NTM: variants seen among roughly 807,000 people sequenced by gnomAD.
The protein encoded by NTM is IgLON family member 2.
In NTM, 13 loss-of-function variants were observed where a neutral mutation model predicts 42.1. The ratio of observed to expected loss-of-function variants is 0.31; its 90% CI spans 0.20 to 0.49. The LOEUF is 0.49. Ranked by LOEUF, NTM falls within the 20% of genes least tolerant of loss-of-function variation. NTM has a pLI of 0.99. For missense variants in NTM, 373 were observed against 452.8 expected, an observed-to-expected ratio of 0.82 and a Z score of 1.60; for synonymous variants, 187 against 179.2, an observed-to-expected ratio of 1.04 and a Z score of -0.35.
In NTM at chr11:132,185,317, T is replaced by C. The variant is rs546839356; in HGVS notation, c.401-26705T>C. Among the ~76,000 whole-genome samples the C allele has an allele frequency of 2.0e-5, 3 of 152,330 alleles. No individual in the cohort carries two copies. In the South Asian group the frequency reaches 6.2e-4, roughly 32 times the overall value. ...TTTATGCACACATTTTCTTGAGATA[T>C]CAAGGCTTTTATGTTCCCCATAATG... On this transcript the variant is annotated intron_variant, in intron 3 of 8. Transcript: ENST00000683400.
intron 3 of NTM, among the ~76,000 whole-genome samples, chr11:132,173,659 C>A (rs1566375887): frequency 6.6e-6 from 1 of 152,232 alleles, no homozygotes; most frequent in Non-Finnish European, 1.5e-5. Flanking sequence ...TTATGAAAAC[C>A]AGCTTGTGGA....
At chr11:131,658,604 G>C (rs945958133) in intron 1 of NTM, among the ~76,000 whole-genome samples, 2 of 152,214 alleles carry the variant, frequency 1.3e-5, no homozygotes, top group African/African-American at 4.8e-5. Context: ...CCGACTTAGA[G>C]GTTCCTGGTC....
At chr11:131,927,723 C>T (rs1406349665) in intron 2 of NTM, among the ~76,000 whole-genome samples, 1 of 152,126 alleles carries the variant, frequency 6.6e-6, no homozygotes. Flanking sequence ...ACACTTGATA[C>T]CCAGAGAAGG....
intron 2 of NTM, among the ~76,000 whole-genome samples, chr11:131,988,370 C>T (rs899795606): frequency 1.3e-5 from 2 of 152,180 alleles, no homozygotes; most frequent in Non-Finnish European, 2.9e-5. Context: ...ATTTGCACAA[C>T]GGATATCCAA....
chr11:132,290,285 A>G (rs1296329430), intron 4 of NTM, among the ~76,000 whole-genome samples: 1 of 152,012 alleles, frequency 6.6e-6, no homozygotes, highest in Non-Finnish European at 1.5e-5. Context: ...ATCACTGTAC[A>G]CATGTAATTT....
At chr11:132,314,507 C>A (rs562247995) in intron 6 of NTM, 45 bp from the exon 7 acceptor site, 2 of 1,577,782 alleles carry the variant, frequency 1.3e-6, no homozygotes, top group Non-Finnish European at 1.7e-6. Context: ...TATGAGGACA[C>A]ATAACCATCT....
intron 2 of NTM, among the ~76,000 whole-genome samples, chr11:132,082,174 T>A (rs548084522): frequency 6.6e-6 from 1 of 152,226 alleles, no homozygotes; most frequent in East Asian, 1.9e-4. Context: ...GTCCTGGGAA[T>A]GATGCAGAAT....
intron 2 of NTM, among the ~76,000 whole-genome samples, chr11:131,988,896 G>A (rs1315354972): frequency 6.6e-6 from 1 of 152,130 alleles, no homozygotes. Flanking sequence ...TAAGCCTATA[G>A]TAGTGAGCTC....
At chr11:131,749,532 C>T (rs1205973934) in intron 1 of NTM, among the ~76,000 whole-genome samples, 1 of 152,212 alleles carries the variant, frequency 6.6e-6, no homozygotes, top group Non-Finnish European at 1.5e-5. Context: ...ACCTTGATCC[C>T]TTAGCCCCTG....
At chr11:132,011,700 A>G (rs2072240876) in intron 2 of NTM, among the ~76,000 whole-genome samples, 1 of 152,204 alleles carries the variant, frequency 6.6e-6, no homozygotes, top group African/African-American at 2.4e-5. Context: ...TAGGTCACAC[A>G]GCTAAGTGAG....
At chr11:131,695,034 C>G (rs884180) in intron 1 of NTM, among the ~76,000 whole-genome samples, 2,877 of 152,074 alleles carry the variant, frequency 0.019, 94 homozygotes, top group African/African-American at 0.064. Flanking sequence ...CTGGGAGGAG[C>G]GCCGCCGCCG....
intron 2 of NTM, among the ~76,000 whole-genome samples, chr11:132,063,221 T>G (rs754547318): frequency 6.6e-6 from 1 of 152,156 alleles, no homozygotes; most frequent in Non-Finnish European, 1.5e-5. Context: ...CTTACCTAAT[T>G]ACCTCCGAAA....
intron 4 of NTM, among the ~76,000 whole-genome samples, chr11:132,245,647 G>A (rs3133876): frequency 0.35 from 52,830 of 151,882 alleles, 9,945 homozygotes; most frequent in Middle Eastern, 0.5. Context: ...GGGGCAGAGC[G>A]TCACGGGGAC....
At chr11:131,943,853 G>T (rs2060065256) in intron 2 of NTM, among the ~76,000 whole-genome samples, 1 of 151,956 alleles carries the variant, frequency 6.6e-6, no homozygotes, top group South Asian at 2.1e-4. Context: ...ACACATCCAT[G>T]GTGACAGCCC....
intron 2 of NTM, among the ~76,000 whole-genome samples, chr11:132,070,207 A>G (rs1271128760): frequency 8.9e-6 from 1 of 111,868 alleles, no homozygotes; most frequent in Non-Finnish European, 1.9e-5. Context: ...TAACACGTCA[A>G]ACTGACCATC....
intron 4 of NTM, among the ~76,000 whole-genome samples, chr11:132,223,594 G>A (rs1411607012): frequency 3.3e-5 from 5 of 152,106 alleles, no homozygotes; most frequent in Non-Finnish European, 7.4e-5. Context: ...CTTCATGAGG[G>A]CAGGAAGCAT....
intron 1 of NTM, among the ~76,000 whole-genome samples, chr11:131,890,582 T>C (rs1219781047): frequency 6.6e-6 from 1 of 152,218 alleles, no homozygotes; most frequent in Non-Finnish European, 1.5e-5. Flanking sequence ...TTATTAGTGC[T>C]AGATTGATTT....
chr11:131,534,916 T>C (rs1292126681), intron 1 of NTM: 1 of 152,238 alleles, frequency 6.6e-6, no homozygotes, highest in Non-Finnish European at 1.5e-5. Context: ...CAAATCCCTG[T>C]ATTTTCAATG....
At chr11:132,029,569 C>T (rs942487453) in intron 2 of NTM, among the ~76,000 whole-genome samples, 1 of 151,992 alleles carries the variant, frequency 6.6e-6, no homozygotes, top group East Asian at 1.9e-4. Context: ...TGACTCCAGC[C>T]TGTTTAGGTG....
Sources: gnomAD v4.1 joint callset for allele counts (sites outside exome capture counted in the v4.1 genomes callset) on GRCh38, gnomAD v4.1.1 for gene constraint, MANE v1.5 for transcripts, NCBI Gene and HGNC (gene_info 2026-07-23, HGNC 2026-07-21) for gene names.